Variants in ANKRD30BL observed in about 807,000 individuals in gnomAD.
ANKRD30BL encodes ankyrin repeat domain 30B like.
A neutral mutation model predicts 18.4 loss-of-function variants in ANKRD30BL; 20 were observed. That is an observed-to-expected ratio of 1.09 (90% confidence interval 0.77 to 1.58). The LOEUF (loss-of-function observed/expected upper bound fraction) is 1.58. ANKRD30BL is among the 40% of genes most tolerant of loss of function. The pLI, the probability that ANKRD30BL is intolerant of heterozygous loss-of-function variation, is 0.00. For missense variants in ANKRD30BL, 224 were observed against 268.6 expected (o/e 0.83, Z 1.16); for synonymous variants, 72 against 100.9 (o/e 0.71, Z 1.72).
chr2:132,166,581 T>G (rs1688191315), upstream of ANKRD30BL, among the ~76,000 whole-genome samples: 2 of 152,102 alleles, frequency 1.3e-5, no homozygotes, highest in African/African-American at 4.8e-5. Flanking sequence ...AACTTGTGAG[T>G]ATAGAGTTTT....
intron 1 of ANKRD30BL, among the ~76,000 whole-genome samples, chr2:132,238,176 A>C (rs1483761736): frequency 2.0e-5 from 3 of 152,078 alleles, no homozygotes; most frequent in Non-Finnish European, 2.9e-5. Flanking sequence ...CTTCTTTGCG[A>C]TGTGCGTACT....
intron 1 of ANKRD30BL, among the ~76,000 whole-genome samples, chr2:132,203,481 A>C (rs899284100): frequency 3.9e-5 from 6 of 152,192 alleles, no homozygotes; most frequent in Non-Finnish European, 4.4e-5. Context: ...GACATAAGCC[A>C]TACTGAGAGA....
chr2:132,232,957 A>G (rs201742285), intron 1 of ANKRD30BL, among the ~76,000 whole-genome samples: 5 of 152,154 alleles, frequency 3.3e-5, no homozygotes, highest in African/African-American at 4.8e-5. Flanking sequence ...TACCCTCAAA[A>G]GGAAGCCCAC....
At chr2:132,186,213 A>T (rs1688557186) in intron 1 of ANKRD30BL, among the ~76,000 whole-genome samples, 1 of 152,106 alleles carries the variant, frequency 6.6e-6, no homozygotes, top group African/African-American at 2.4e-5. Flanking sequence ...TTTATCTCAA[A>T]ACATAAAAGG....
chr2:132,190,627 G>C (rs1169891829), intron 1 of ANKRD30BL, among the ~76,000 whole-genome samples: 1 of 151,996 alleles, frequency 6.6e-6, no homozygotes, highest in African/African-American at 2.4e-5. Context: ...TACATGACTG[G>C]AATTTCAGAG....
chr2:132,151,069 C>T, intron 4 of ANKRD30BL, 93 bp from the exon 5 acceptor site: 1 of 458,106 alleles, frequency 2.2e-6, no homozygotes, highest in South Asian at 2.7e-5. Flanking sequence ...GTATTTCAGA[C>T]AATATTAGAG....
intron 1 of ANKRD30BL, among the ~76,000 whole-genome samples, chr2:132,182,548 T>A (rs1370180963): frequency 3.3e-5 from 5 of 151,314 alleles, no homozygotes; most frequent in African/African-American, 9.7e-5. Flanking sequence ...TAAATAAACA[T>A]GAATGAGTAA....
At chr2:132,166,268 G>A (rs1688185170), upstream of ANKRD30BL, among the ~76,000 whole-genome samples, 1 of 152,112 alleles carries the variant, frequency 6.6e-6, no homozygotes, top group Non-Finnish European at 1.5e-5. Context: ...TTCATGTTAT[G>A]TCTATTGGAT....
intron 1 of ANKRD30BL, among the ~76,000 whole-genome samples, chr2:132,246,519 A>G (rs1442548591): frequency 6.6e-6 from 1 of 151,948 alleles, no homozygotes; most frequent in Non-Finnish European, 1.5e-5. Flanking sequence ...TGATGTGTGC[A>G]TTCAACTCAC....
At chr2:132,223,245 A>G (rs1679744990) in intron 1 of ANKRD30BL, among the ~76,000 whole-genome samples, 1 of 152,126 alleles carries the variant, frequency 6.6e-6, no homozygotes, top group Non-Finnish European at 1.5e-5. Flanking sequence ...GGATATTTTT[A>G]CTGCTTTGAG....
At chr2:132,198,054 C>T (rs1457267605) in intron 1 of ANKRD30BL, among the ~76,000 whole-genome samples, 5 of 151,928 alleles carry the variant, frequency 3.3e-5, no homozygotes, top group Non-Finnish European at 7.4e-5. Context: ...TCTCATTTCT[C>T]TAGTTTATAT....
At chr2:132,221,247 C>G (rs1353268916) in intron 1 of ANKRD30BL, among the ~76,000 whole-genome samples, 1 of 144,490 alleles carries the variant, frequency 6.9e-6, no homozygotes, top group Non-Finnish European at 1.5e-5. Flanking sequence ...TGAGGGGCTC[C>G]TCTGCCCGGC....
chr2:132,175,218 T>G (rs1688342084), intron 1 of ANKRD30BL, among the ~76,000 whole-genome samples: 1 of 151,736 alleles, frequency 6.6e-6, no homozygotes, highest in Non-Finnish European at 1.5e-5. Context: ...TTTCATTATC[T>G]CAGCAAGAGG....
chr2:132,229,630 A>G (rs540069322), intron 1 of ANKRD30BL, among the ~76,000 whole-genome samples: 37 of 152,198 alleles, frequency 2.4e-4, no homozygotes, highest in African/African-American at 8.7e-4. Flanking sequence ...CTTCACATAA[A>G]CACTAGACAG....
rs1222751791 is a variant in ANKRD30BL, at chr2:132,257,080, C to G, written n.441+449G>C. 1.2e-5 allele frequency: 6 copies of G among 488,138 alleles called. No individual in the cohort carries two copies. The Admixed American group carries it at 1.3e-4, about 10-fold the overall frequency. The allele number at this position is 488,138 out of a possible 1,614,324, so 30.2% of individuals were successfully genotyped here. On this transcript the variant is annotated intron_variant and non_coding_transcript_variant, in intron 1 of 4. Transcript: ENST00000470729. ...TAGGATGCCGGACGGCCCTCGGCAC[C>G]ACCGAGACCCGCCTCATGAGCCCCA... is the stretch of plus-strand genomic sequence containing the variant.
intron 1 of ANKRD30BL, among the ~76,000 whole-genome samples, chr2:132,212,432 T>C (rs1293050267): frequency 6.6e-6 from 1 of 151,996 alleles, no homozygotes; most frequent in Non-Finnish European, 1.5e-5. Context: ...AGTGGACATT[T>C]GGAGCACTTT....
chr2:132,217,121 C>G (rs556354827), intron 1 of ANKRD30BL, among the ~76,000 whole-genome samples: 1 of 151,864 alleles, frequency 6.6e-6, no homozygotes, highest in Non-Finnish European at 1.5e-5. Context: ...GAAGCATTCT[C>G]AGAAACTTCT....
intron 1 of ANKRD30BL, among the ~76,000 whole-genome samples, chr2:132,178,554 G>C (rs1358603180): frequency 1.3e-5 from 2 of 152,158 alleles, no homozygotes; most frequent in East Asian, 3.8e-4. Context: ...GGAGAAAAAG[G>C]AGAAATGGGA....
intron 1 of ANKRD30BL, among the ~76,000 whole-genome samples, chr2:132,233,156 G>A (rs1573872644): frequency 6.6e-6 from 1 of 151,134 alleles, no homozygotes; most frequent in Non-Finnish European, 1.5e-5. Context: ...GTCACCACCA[G>A]GCCTGCCCTA....
Sources: allele counts gnomAD v4.1 joint callset (sites outside exome capture counted in the v4.1 genomes callset), GRCh38; gene constraint gnomAD v4.1.1; transcripts MANE v1.5; gene names NCBI Gene and HGNC (gene_info 2026-07-23, HGNC 2026-07-21).